CTNND2: variants seen among roughly 807,000 people sequenced by gnomAD.
The protein encoded by CTNND2 is catenin delta 2, also known as catenin delta-2.
In CTNND2, 22 loss-of-function variants were observed where a neutral mutation model predicts 144.4. That is an observed-to-expected ratio of 0.15 (90% CI 0.11 to 0.22). CTNND2 has a LOEUF of 0.22. Among genes scored for constraint, CTNND2 ranks in the 10% least tolerant of loss-of-function variants. The pLI is 1.00. For missense variants in CTNND2, 1,353 were observed against 1,618.8 expected (o/e 0.84, Z 2.82); for synonymous variants, 751 against 695.6 (o/e 1.08, Z -1.25).
At chr5:11,845,921 T>C (rs1794713839) in intron 1 of CTNND2, among the ~76,000 whole-genome samples, 1 of 152,140 alleles carries the variant, frequency 6.6e-6, no homozygotes, top group Non-Finnish European at 1.5e-5. Context: ...AATCAAGACA[T>C]CTAAAATGTA....
chr5:11,482,907 T>C (rs1561458294), intron 3 of CTNND2, among the ~76,000 whole-genome samples: 1 of 151,178 alleles, frequency 6.6e-6, no homozygotes, highest in African/African-American at 2.4e-5. Flanking sequence ...TGTGAGAGGG[T>C]CAGCAGGCAA....
At chr5:11,454,335 G>T (rs552027481) in intron 3 of CTNND2, among the ~76,000 whole-genome samples, 2 of 152,030 alleles carry the variant, frequency 1.3e-5, no homozygotes, top group African/African-American at 4.8e-5. Context: ...CAGGAGAATC[G>T]CTTGAACCCG....
intron 3 of CTNND2, among the ~76,000 whole-genome samples, chr5:11,458,418 T>C (rs540373891): frequency 6.6e-6 from 1 of 152,312 alleles, no homozygotes; most frequent in South Asian, 2.1e-4. Context: ...ATGGCAATCC[T>C]GGAAAACAGA....
intron 18 of CTNND2, 78 bp downstream of exon 18, chr5:11,017,896 T>C: frequency 9.2e-7 from 1 of 1,086,832 alleles, no homozygotes. Flanking sequence ...TGTGGGAAAG[T>C]GCCCTCCACG....
intron 3 of CTNND2, among the ~76,000 whole-genome samples, chr5:11,497,515 G>GGC (rs1554071545): frequency 1.3e-5 from 1 of 78,274 alleles, no homozygotes; most frequent in African/African-American, 5.4e-5. Context: ...GATGTGCGGG[G>GGC]GGGTGGGGGG....
rs556847349 is a variant in CTNND2, at chr5:11,868,484, T to C, written c.37+35333A>G. Among the ~76,000 whole-genome samples the C allele has an allele frequency of 6.6e-5, 10 of 152,316 alleles. No homozygotes were observed. The South Asian group carries it at 2.1e-3, about 32-fold the overall frequency. On this transcript the variant is annotated intron_variant, in intron 1 of 21. Transcript: ENST00000304623. ...ATGGAGTTTGCCTGCTCTTTAAAAG[T>C]ATCCAACTCAACAAGAAGAAGAAAA...
chr5:11,635,678 T>C (rs577524943), intron 2 of CTNND2, among the ~76,000 whole-genome samples: 11 of 152,310 alleles, frequency 7.2e-5, no homozygotes, highest in Admixed American at 1.3e-4. Flanking sequence ...TTCTGTACTA[T>C]AGTAAATCAG....
chr5:11,404,149 C>G (rs914082578), intron 5 of CTNND2, among the ~76,000 whole-genome samples: 1 of 152,152 alleles, frequency 6.6e-6, no homozygotes, highest in South Asian at 2.1e-4. Flanking sequence ...GCCATGTAGT[C>G]TCTGGAAATC....
intron 2 of CTNND2, among the ~76,000 whole-genome samples, chr5:11,699,325 A>G (rs557418712): frequency 5.3e-4 from 81 of 152,150 alleles, no homozygotes; most frequent in Non-Finnish European, 9.7e-4. Flanking sequence ...CATGAATGCA[A>G]TGGAGGTAGG....
intron 1 of CTNND2, among the ~76,000 whole-genome samples, chr5:11,847,906 T>G (rs1390158390): frequency 6.6e-6 from 1 of 152,142 alleles, no homozygotes; most frequent in African/African-American, 2.4e-5. Context: ...TGAATTACAT[T>G]GTCAAGTGTC....
At chr5:11,706,465 C>G (rs1785698395) in intron 2 of CTNND2, among the ~76,000 whole-genome samples, 1 of 152,040 alleles carries the variant, frequency 6.6e-6, no homozygotes, top group East Asian at 1.9e-4. Flanking sequence ...TAAAATTTAT[C>G]CTTCTTAGGT....
chr5:11,902,092 A>G (rs2126353047), intron 1 of CTNND2, among the ~76,000 whole-genome samples: 1 of 152,312 alleles, frequency 6.6e-6, no homozygotes, highest in Non-Finnish European at 1.5e-5. Context: ...CTCCTGCAAC[A>G]CTGACTTGTG....
At position 11,348,453 on chromosome 5, in the gene CTNND2, A is replaced by G. The variant is rs184242784; in HGVS notation, c.1373-1826T>C. Among the ~76,000 whole-genome samples, 1,451 of 147,736 alleles carry G rather than the reference A, an allele frequency of 9.8e-3. 24 individuals are homozygous for G. The highest frequency in any genetic ancestry group is 0.053 in the Middle Eastern group (15 of 282). On this transcript the variant is annotated intron_variant, in intron 8 of 21. Transcript: ENST00000304623. The stretch of plus-strand genomic sequence containing the variant: ...AATCAAGGGCAAAAAAAAAAAAAAA[A>G]AAAGAAAAAAGAAAACTAAGTACAT...
chr5:11,741,384 A>T (rs1787997902), intron 1 of CTNND2, among the ~76,000 whole-genome samples: 1 of 152,214 alleles, frequency 6.6e-6, no homozygotes, highest in Non-Finnish European at 1.5e-5. Flanking sequence ...AATACCATGC[A>T]GCCGTAAAAA....
intron 9 of CTNND2, among the ~76,000 whole-genome samples, chr5:11,262,103 C>T (rs896321147): frequency 1.3e-5 from 2 of 152,216 alleles, no homozygotes; most frequent in South Asian, 2.1e-4. Flanking sequence ...TAAAGTTCCA[C>T]GTTACCAATC....
At chr5:11,341,665 G>T (rs979344353) in intron 9 of CTNND2, among the ~76,000 whole-genome samples, 1 of 152,160 alleles carries the variant, frequency 6.6e-6, no homozygotes, top group Non-Finnish European at 1.5e-5. Flanking sequence ...ACATAATACT[G>T]TTTAAACTTT....
intron 9 of CTNND2, among the ~76,000 whole-genome samples, chr5:11,301,727 C>G (rs935624729): frequency 6.6e-6 from 1 of 152,192 alleles, no homozygotes; most frequent in African/African-American, 2.4e-5. Context: ...GTGTTTTAAT[C>G]TTAAGACATA....
At chr5:11,557,092 C>T (rs1279116977) in intron 3 of CTNND2, among the ~76,000 whole-genome samples, 4 of 152,064 alleles carry the variant, frequency 2.6e-5, no homozygotes, top group Admixed American at 2.0e-4. Flanking sequence ...TAAATATTGT[C>T]ACAGAATAAA....
intron 3 of CTNND2, among the ~76,000 whole-genome samples, chr5:11,482,757 A>G (rs1768402687): frequency 6.6e-6 from 1 of 152,128 alleles, no homozygotes; most frequent in South Asian, 2.1e-4. Context: ...AAGAACCAGG[A>G]GACTGTTGTA....
Sources: allele counts gnomAD v4.1 joint callset (sites outside exome capture counted in the v4.1 genomes callset), GRCh38; gene constraint gnomAD v4.1.1; transcripts MANE v1.5; gene names NCBI Gene and HGNC (gene_info 2026-07-23, HGNC 2026-07-21).